ANKH: variants seen among roughly 807,000 people sequenced by gnomAD.
The protein encoded by ANKH is mineralization regulator ANKH.
ANKH carries 15 observed loss-of-function variants against 49.0 expected under a neutral mutation model. That is an observed-to-expected ratio of 0.31 (90% CI 0.20 to 0.47). ANKH has a LOEUF of 0.47. ANKH is among the 20% of genes least tolerant of loss of function. ANKH has a pLI of 1.00. For synonymous variants in ANKH, 273 were observed against 260.0 expected, an observed-to-expected ratio of 1.05 and a Z score of -0.48; for missense variants, 429 against 652.0, an observed-to-expected ratio of 0.66 and a Z score of 3.72.
At chr5:14,810,906 A>G (rs1193310249) in intron 1 of ANKH, among the ~76,000 whole-genome samples, 1 of 152,220 alleles carries the variant, frequency 6.6e-6, no homozygotes, top group African/African-American at 2.4e-5. Flanking sequence ...TAGTGCATTC[A>G]TAAAATTCCA....
At chr5:14,726,616 T>G (rs558924602) in intron 8 of ANKH, among the ~76,000 whole-genome samples, 123 of 152,262 alleles carry the variant, frequency 8.1e-4, no homozygotes, top group Non-Finnish European at 1.3e-3. Context: ...TCCTGCTCAC[T>G]TGTGAGCTGT....
intron 1 of ANKH, among the ~76,000 whole-genome samples, chr5:14,827,362 G>A (rs1040787521): frequency 6.6e-5 from 10 of 152,224 alleles, no homozygotes; most frequent in Non-Finnish European, 2.9e-5. Context: ...GCCAAGGTAA[G>A]CTGATGAACT....
chr5:14,839,265 T>C, intron 1 of ANKH, among the ~76,000 whole-genome samples: 1 of 152,210 alleles, frequency 6.6e-6, no homozygotes, highest in East Asian at 1.9e-4. Context: ...TGTAAACTAA[T>C]TTTTTATTTC....
chr5:14,830,747 C>T (rs1384506423), intron 1 of ANKH, among the ~76,000 whole-genome samples: 1 of 152,188 alleles, frequency 6.6e-6, no homozygotes, highest in Admixed American at 6.5e-5. Context: ...TTCCCAAGCA[C>T]TGCCCAGAAA....
At chr5:14,837,275 G>T (rs879926230) in intron 1 of ANKH, among the ~76,000 whole-genome samples, 3 of 152,084 alleles carry the variant, frequency 2.0e-5, no homozygotes, top group African/African-American at 4.8e-5. Context: ...AGACAAATGG[G>T]ATCTAATTAA....
chr5:14,819,260 C>T (rs547359996), intron 1 of ANKH, among the ~76,000 whole-genome samples: 8 of 152,270 alleles, frequency 5.3e-5, no homozygotes, highest in African/African-American at 1.9e-4. Flanking sequence ...TTGCATAACT[C>T]ATAAAATAAC....
chr5:14,804,344 A>G (rs1416213670), intron 1 of ANKH, among the ~76,000 whole-genome samples: 1 of 152,140 alleles, frequency 6.6e-6, no homozygotes, highest in Non-Finnish European at 1.5e-5. Flanking sequence ...CCCTCCCACC[A>G]CACCATAATG....
chr5:14,811,991 G>A (rs549382676), intron 1 of ANKH, among the ~76,000 whole-genome samples: 24 of 151,794 alleles, frequency 1.6e-4, no homozygotes, highest in South Asian at 8.3e-4. Context: ...ATAATCTATC[G>A]TCCTACTTCA....
At chr5:14,838,590 G>A (rs1342815780) in intron 1 of ANKH, among the ~76,000 whole-genome samples, 1 of 152,094 alleles carries the variant, frequency 6.6e-6, no homozygotes, top group Non-Finnish European at 1.5e-5. Context: ...GCAGCCCCTG[G>A]GGGACCCCAC....
intron 1 of ANKH, among the ~76,000 whole-genome samples, chr5:14,790,302 G>C (rs561831917): frequency 9.9e-5 from 15 of 152,124 alleles, no homozygotes; most frequent in Admixed American, 2.0e-4. Flanking sequence ...AACACACTTG[G>C]AACTTAAGAC....
At chr5:14,757,430 A>ATATATCTTTTTTTTT (rs1379233165) in intron 3 of ANKH, among the ~76,000 whole-genome samples, 1 of 113,818 alleles carries the variant, frequency 8.8e-6, no homozygotes. Context: ...ATATATATAT[A>ATATATCTTTTTTTTT]TTTTTTTTTT....
Position 14,710,612 on chromosome 5 carries a change from T to A in ANKH, c.*585A>T, listed in dbSNP as rs1376464232. 1 of 159,732 alleles carries A rather than the reference T, an allele frequency of 6.3e-6. No individual in the cohort carries two copies. The highest frequency in any genetic ancestry group is 2.4e-5 in the African/African-American group (1 of 41,496). 9.9% of individuals were successfully genotyped at this position (159,732 alleles called of 1,614,324 possible). ...GGTCACAGGTCTCCGTTCCTCAGTG[T>A]GAACGGGGACTCCGGGCTGCAGCGT... On this transcript the variant is annotated 3_prime_UTR_variant, in exon 12 of 12. Coordinates refer to ENST00000284268, the MANE Select transcript of ANKH (RefSeq NM_054027.6).
intron 1 of ANKH, among the ~76,000 whole-genome samples, chr5:14,822,596 T>C (rs1741227576): frequency 6.6e-6 from 1 of 152,232 alleles, no homozygotes; most frequent in South Asian, 2.1e-4. Flanking sequence ...TTTCATGACA[T>C]AGAGCACACA....
rs1436296681 is a variant in ANKH at position 14,836,556 on chromosome 5, T to C, written c.96+34796A>G. ...GAATCAAATACCTAGGAATCCAACT[T>C]ACAAGGGATGTGAAGGACCTCTTCA... On this transcript the variant is annotated intron_variant, in intron 1 of 11. Coordinates refer to ENST00000284268, the MANE Select transcript of ANKH (RefSeq NM_054027.6). 4.6e-5 allele frequency among the ~76,000 whole-genome samples: 7 copies of C among 152,112 alleles called. No homozygotes were observed. The East Asian group carries it at 1.3e-3, about 29-fold the overall frequency.
Position 14,864,270 on chromosome 5 carries a change from T to G in ANKH, c.96+7082A>C, listed in dbSNP as rs1230202401. 3.3e-5 allele frequency among the ~76,000 whole-genome samples: 5 copies of G among 152,180 alleles called. No individual in the cohort carries two copies. In the East Asian group the frequency reaches 9.6e-4, roughly 29 times the overall value. ...ATTTGATCTATTACTAGGAAGAGATTTAAATATTGTTTCTGTATGATGGAT... is the reference window on the plus strand; with the variant it reads ...ATTTGATCTATTACTAGGAAGAGATGTAAATATTGTTTCTGTATGATGGAT... On this transcript the variant is annotated intron_variant, in intron 1 of 11. Coordinates refer to ENST00000284268, the MANE Select transcript of ANKH (RefSeq NM_054027.6).
intron 1 of ANKH, among the ~76,000 whole-genome samples, chr5:14,796,466 C>A (rs1259604396): frequency 3.7e-5 from 4 of 108,994 alleles, no homozygotes; most frequent in African/African-American, 7.0e-5. Context: ...AAAAAAAAAA[C>A]ACACACCAAC....
In ANKH at chr5:14,749,492, G is replaced by T. The variant is rs77128277; in HGVS notation, c.688-186C>A. 0.018 allele frequency among the ~76,000 whole-genome samples: 2,812 copies of T among 152,312 alleles called. 97 individuals are homozygous for T. The highest frequency in any genetic ancestry group is 0.065 in the African/African-American group (2,692 of 41,564). ...TAAAATAAAATGTTCAGTCCTAATAGAAATTAACCGAGACAGCTGGCAAGC... is the reference window on the plus strand; with the variant it reads ...TAAAATAAAATGTTCAGTCCTAATATAAATTAACCGAGACAGCTGGCAAGC... On this transcript the variant is annotated intron_variant, in intron 5 of 11. Transcript: ENST00000284268.
rs774841903 is a variant in ANKH at position 14,867,155 on chromosome 5, C to CAAA, written c.96+4194_96+4196dup. ...CTGGGCAACAAGTGAGACTCAGTCTCAAAAAAAAAAAAAAAAAAAAAAATT... is the reference window on the plus strand; with the variant it reads ...CTGGGCAACAAGTGAGACTCAGTCTCAAAAAAAAAAAAAAAAAAAAAAAAAATT... On this transcript the variant is annotated intron_variant, in intron 1 of 11. Transcript: ENST00000284268. Among the ~76,000 whole-genome samples, 305 of 69,148 alleles carry CAAA rather than the reference C, an allele frequency of 4.4e-3. 3 individuals are homozygous for CAAA. Among genetic ancestry groups the CAAA allele is most frequent in the East Asian group, 0.011 (32 of 2,794 alleles). The allele number at this position is 69,148 out of a possible 152,430, so 45.4% of individuals were successfully genotyped here. A position where few individuals can be genotyped will look rare whatever the true frequency, so the allele number is the denominator to read the frequency against.
chr5:14,820,895 C>T (rs1032549670), intron 1 of ANKH, among the ~76,000 whole-genome samples: 1 of 152,102 alleles, frequency 6.6e-6, no homozygotes, highest in African/African-American at 2.4e-5. Flanking sequence ...CCCAGGAATT[C>T]GAGACCAGCC....
Sources: allele counts gnomAD v4.1 joint callset (sites outside exome capture counted in the v4.1 genomes callset), GRCh38; gene constraint gnomAD v4.1.1; transcripts MANE v1.5; gene names NCBI Gene and HGNC (gene_info 2026-07-23, HGNC 2026-07-21).